GANAB: variants seen among roughly 807,000 people sequenced by gnomAD.
GANAB encodes glucosidase II alpha subunit.
In GANAB, 35 loss-of-function variants were observed where a neutral mutation model predicts 129.9. That is an observed-to-expected ratio of 0.27 (90% confidence interval 0.21 to 0.36). The LOEUF (loss-of-function observed/expected upper bound fraction) is 0.36. Among genes scored for constraint, GANAB ranks in the 10% least tolerant of loss-of-function variants. GANAB has a pLI of 1.00. For missense variants in GANAB, 939 were observed against 1,221.0 expected (o/e 0.77, Z 3.44); for synonymous variants, 482 against 451.8 (o/e 1.07, Z -0.85).
chr11:62,644,352 A>G (rs1255358056), intron 1 of GANAB, among the ~76,000 whole-genome samples: 2 of 152,100 alleles, frequency 1.3e-5, no homozygotes, highest in African/African-American at 2.4e-5. Context: ...TCTAAGCAAT[A>G]AAGTTTTACA....
intron 9 of GANAB, among the ~76,000 whole-genome samples, chr11:62,631,625 G>A (rs1459278683): frequency 1.3e-5 from 2 of 151,788 alleles, no homozygotes; most frequent in Non-Finnish European, 2.9e-5. Flanking sequence ...ACCACACCCA[G>A]CTAACTTTTG....
intron 1 of GANAB, among the ~76,000 whole-genome samples, chr11:62,641,339 C>CA (rs1457625863): frequency 2.1e-5 from 1 of 47,462 alleles, no homozygotes; most frequent in Admixed American, 2.9e-4. Flanking sequence ...GCAAAACTCT[C>CA]AGAAAAAAAA....
At position 62,639,432 on chromosome 11, in the gene GANAB, T is replaced by C. The variant is rs766267341; in HGVS notation, c.179A>G (p.Tyr60Cys). ...QRSIRPGLSP[Y>C]RALLDSLQLG... The stretch of plus-strand genomic sequence containing the variant: ...CTGTAGAGAGTCCAGCAAGGCTCGG[T>C]ATGGAGAGAGGCCTGGCCGTATGCT... The change falls in exon 3 of 24, where the codon TAC becomes TGC. Residue 60 changes from tyrosine (Y) to cysteine (C), a missense_variant. Physicochemically the swap from Tyr to Cys is radical, Grantham distance 194. This residue lies in a region of GANAB where 321 missense variants were observed against 329.1 expected (regional missense o/e 0.98). Coordinates refer to ENST00000356638, the MANE Select transcript of GANAB (RefSeq NM_198334.3). 6.8e-6 allele frequency: 11 copies of C among 1,613,412 alleles called. No homozygotes were observed. Among genetic ancestry groups the C allele is most frequent in the Middle Eastern group, 1.6e-4 (1 of 6,082 alleles).
At chr11:62,638,025 T>C (rs1944026868) in intron 4 of GANAB, among the ~76,000 whole-genome samples, 1 of 152,138 alleles carries the variant, frequency 6.6e-6, no homozygotes, top group African/African-American at 2.4e-5. Context: ...TGTGTGCATA[T>C]GTATACACAC....
chr11:62,626,114 C>T lies in GANAB; in HGVS notation c.2676G>A (p.Val892=), dbSNP rs769876299. 2 of 1,614,056 alleles carry T rather than the reference C, an allele frequency of 1.2e-6. No homozygotes were observed. Among genetic ancestry groups the T allele is most frequent in the Non-Finnish European group, 8.5e-7 (1 of 1,179,916 alleles). Residue 892 remains valine (V), a synonymous_variant, in exon 23 of 24, where the codon GTG becomes GTA. Coordinates refer to ENST00000356638, the MANE Select transcript of GANAB (RefSeq NM_198334.3). ...HFETPIWIER[V]VIIGAGKPAA... is the part of the protein sequence containing the mutation. The stretch of plus-strand genomic sequence containing the variant: ...CTGGCTTTCCAGCCCCTATTATCAC[C>T]ACCCGCTCAATCCAGATTGGTGTCT...
At chr11:62,639,242 TA>T in intron 3 of GANAB, 116 bp downstream of exon 3, 7 of 1,313,524 alleles carry the variant, frequency 5.3e-6, no homozygotes, top group Non-Finnish European at 7.6e-6. Flanking sequence ...CATTTCTTCA[TA>T]AAGTAAAAGT....
At chr11:62,638,696 T>C (rs1944075021) in intron 4 of GANAB, among the ~76,000 whole-genome samples, 1 of 152,094 alleles carries the variant, frequency 6.6e-6, no homozygotes, top group Admixed American at 6.6e-5. Context: ...GAACGAGATC[T>C]GTAAATAAAC....
At position 62,646,572 on chromosome 11, in the gene GANAB, G is replaced by T; in HGVS notation, c.28C>A (p.Arg10Ser). 1.2e-6 allele frequency: 2 copies of T among 1,613,712 alleles called. No homozygotes were observed. The highest frequency in any genetic ancestry group is 1.7e-6 in the Non-Finnish European group (2 of 1,179,932). The change falls in exon 1 of 24, where the codon CGT becomes AGT. Residue 10 changes from arginine (R) to serine (S), a missense_variant. Arg to Ser is a moderately radical substitution (Grantham distance 110). Transcript: ENST00000356638. MAAVAAVAA[R>S]RRRSWASLVL... ...TTCCGGGCTCCTCACCGCCTCCTAC[G>T]CGCCGCCACTGCCGCTACCGCCGCC...
Position 62,630,818 on chromosome 11 carries a change from G to C in GANAB, c.1169C>G (p.Pro390Arg). ...CTGGTGGTAGCCGAGGGAGAAGAGT[G>C]GGGGCAACGCCTGGGTTCCTGCAGG... is the stretch of plus-strand genomic sequence containing the variant. ...ASLTGTQALP[P>R]LFSLGYHQSR... The change falls in exon 11 of 24, where the codon CCA becomes CGA. Residue 390 changes from proline (P) to arginine (R), a missense_variant. Physicochemically the swap from Pro to Arg is moderately radical, Grantham distance 103. Coordinates refer to ENST00000356638, the MANE Select transcript of GANAB (RefSeq NM_198334.3). The C allele has an allele frequency of 1.2e-6, 2 of 1,613,576 alleles. No homozygotes were observed. Among genetic ancestry groups the C allele is most frequent in the Non-Finnish European group, 1.7e-6 (2 of 1,179,750 alleles).
chr11:62,627,250 C>T (rs1365120375), intron 18 of GANAB, 39 bp downstream of exon 18: 2 of 1,457,854 alleles, frequency 1.4e-6, no homozygotes, highest in South Asian at 2.3e-5. Context: ...TGCTGCTTGG[C>T]CCAAAGCCAA....
At chr11:62,629,165 C>T in intron 16 of GANAB, 29 bp downstream of exon 16, 2 of 1,580,326 alleles carry the variant, frequency 1.3e-6, no homozygotes, top group African/African-American at 2.7e-5. Flanking sequence ...TCCCACCAAA[C>T]CAAGACCCCA....
intron 1 of GANAB, among the ~76,000 whole-genome samples, chr11:62,642,110 G>A (rs1944297996): frequency 6.6e-6 from 1 of 152,090 alleles, no homozygotes; most frequent in Non-Finnish European, 1.5e-5. Flanking sequence ...TATTCAGGAG[G>A]CTGAGGCAGG....
intron 5 of GANAB, chr11:62,633,929 T>G: frequency 2.7e-6 from 1 of 370,370 alleles, no homozygotes; most frequent in Non-Finnish European, 5.0e-6. Context: ...TGGGTCATAC[T>G]ATACCAAGCC....
chr11:62,630,547 A>G (rs1323010666), intron 11 of GANAB, 42 bp from the exon 12 acceptor site: 2 of 1,613,618 alleles, frequency 1.2e-6, no homozygotes, highest in South Asian at 2.2e-5. Context: ...CTTTAAGGCT[A>G]AACTATGCTT....
In GANAB at chr11:62,626,626, G is replaced by A; in HGVS notation, c.2456C>T (p.Ser819Phe). ...IVPRWMRVRR[S>F]SECMKDDPIT... ...GGGGTCATCCTTCATACATTCTGAA[G>A]ACCGCCGCACTCGCATCCATCGAGG... Residue 819 changes from serine to phenylalanine, a missense_variant, in exon 21 of 24, where the codon TCT (serine) becomes TTT (phenylalanine). By Grantham distance (155) the Ser-to-Phe change is radical (BLOSUM62 -2). This residue lies in a region of GANAB where 230 missense variants were observed against 259.9 expected (regional missense o/e 0.89). Coordinates refer to ENST00000356638, the MANE Select transcript of GANAB (RefSeq NM_198334.3). 6.2e-7 allele frequency: 1 copy of A among 1,612,940 alleles called. No individual in the cohort carries two copies.
chr11:62,631,084 G>C lies in GANAB; in HGVS notation c.1096C>G (p.Leu366Val). Reference protein sequence around the residue: ...MSETGIIDVFLLLGPSISDVF... With the variant: ...MSETGIIDVFVLLGPSISDVF... ...TCAGAGATGGAGGGCCCCAGCAGCAGGAAGACGTCAATGATGCCAGTCTCT... is the reference window on the plus strand; with the variant it reads ...TCAGAGATGGAGGGCCCCAGCAGCACGAAGACGTCAATGATGCCAGTCTCT... Residue 366 changes from leucine (L) to valine (V), a missense_variant, in exon 10 of 24, where the codon CTG (leucine) becomes GTG (valine). By Grantham distance (32) the Leu-to-Val change is conservative. Transcript: ENST00000356638. The C allele has an allele frequency of 6.2e-7, 1 of 1,611,210 alleles. No homozygotes were observed.
intron 5 of GANAB, 45 bp from the exon 6 acceptor site, chr11:62,633,559 G>A: frequency 1.3e-6 from 2 of 1,541,518 alleles, no homozygotes; most frequent in Non-Finnish European, 1.8e-6. Flanking sequence ...AGGGGGCAGG[G>A]ACGAGGGGCT....
intron 1 of GANAB, among the ~76,000 whole-genome samples, chr11:62,641,918 C>T (rs1407310809): frequency 6.6e-6 from 1 of 151,212 alleles, no homozygotes; most frequent in East Asian, 1.9e-4. Flanking sequence ...TTTTTCTGGC[C>T]AGGCGCAGTG....
chr11:62,627,195 C>A, intron 18 of GANAB, 71 bp from the exon 19 acceptor site: 4 of 1,445,092 alleles, frequency 2.8e-6, no homozygotes, highest in Non-Finnish European at 3.9e-6. Context: ...AAGTGCCTGC[C>A]CTCTGCACCA....
Sources: gnomAD v4.1 joint callset for allele counts (sites outside exome capture counted in the v4.1 genomes callset) on GRCh38, gnomAD v4.1.1 for gene constraint, gnomAD v4.1.1 regional missense constraint, MANE v1.5 for transcripts, NCBI Gene and HGNC (gene_info 2026-07-23, HGNC 2026-07-21) for gene names.